The following CADM2 variants were observed in gnomAD, a reference collection of about 807,000 sequenced individuals.
CADM2 encodes the protein cell adhesion molecule 2.
CADM2 carries 12 observed loss-of-function variants against 49.8 expected under a neutral mutation model. That is an observed-to-expected ratio of 0.24 (90% CI 0.15 to 0.39). CADM2 has a LOEUF of 0.39. Among genes scored for constraint, CADM2 ranks in the 10% least tolerant of loss-of-function variants. The probability of loss-of-function intolerance (pLI) is 1.00; values close to 1 mark genes in which losing one functional copy is unlikely to be tolerated. For synonymous variants in CADM2, 214 were observed against 175.4 expected, an observed-to-expected ratio of 1.22 and a Z score of -1.74; for missense variants, 378 against 492.3, an observed-to-expected ratio of 0.77 and a Z score of 2.20.
At chr3:85,741,006 A>G (rs1477338654) in intron 2 of CADM2, among the ~76,000 whole-genome samples, 1 of 152,168 alleles carries the variant, frequency 6.6e-6, no homozygotes, top group East Asian at 1.9e-4. Flanking sequence ...CTCCAAATGA[A>G]CAGGCACTTT....
intron 3 of CADM2, among the ~76,000 whole-genome samples, chr3:85,820,483 A>G (rs137982093): frequency 2.0e-5 from 3 of 152,256 alleles, no homozygotes; most frequent in Non-Finnish European, 2.9e-5. Context: ...TGTTCTGTGT[A>G]TTTGAAAGTA....
chr3:85,920,137 A>G (rs780456673), intron 6 of CADM2, among the ~76,000 whole-genome samples: 16 of 151,874 alleles, frequency 1.1e-4, no homozygotes, highest in Admixed American at 5.9e-4. Context: ...TTATATATTA[A>G]GTGTTTCAGG....
chr3:85,672,005 C>T (rs1454481522), intron 1 of CADM2, among the ~76,000 whole-genome samples: 1 of 151,980 alleles, frequency 6.6e-6, no homozygotes, highest in Admixed American at 6.6e-5. Context: ...ACTGCAATAT[C>T]CTAAGGTCCT....
chr3:85,257,704 C>T (rs1436070191), intron 1 of CADM2, among the ~76,000 whole-genome samples: 3 of 152,172 alleles, frequency 2.0e-5, no homozygotes, highest in East Asian at 1.9e-4. Context: ...ATATGGTACC[C>T]GTGGCTGTCT....
intron 1 of CADM2, among the ~76,000 whole-genome samples, chr3:85,219,060 C>T (rs2041991913): frequency 6.6e-6 from 1 of 152,030 alleles, no homozygotes; most frequent in Admixed American, 6.6e-5. Flanking sequence ...CTTATCTCAA[C>T]ATCAATTTGA....
chr3:85,262,680 T>C (rs2043038132), intron 1 of CADM2, among the ~76,000 whole-genome samples: 2 of 152,092 alleles, frequency 1.3e-5, no homozygotes, highest in Admixed American at 6.6e-5. Flanking sequence ...TCATGAATAA[T>C]AGTTTTGCAA....
At chr3:85,303,040 G>A (rs576340261) in intron 1 of CADM2, among the ~76,000 whole-genome samples, 30 of 152,014 alleles carry the variant, frequency 2.0e-4, no homozygotes, top group Middle Eastern at 3.4e-3. Flanking sequence ...CACAGTTCAT[G>A]TAATTAATTA....
At chr3:85,464,565 C>A (rs2107596379) in intron 1 of CADM2, among the ~76,000 whole-genome samples, 1 of 152,196 alleles carries the variant, frequency 6.6e-6, no homozygotes, top group African/African-American at 2.4e-5. Context: ...GAATTTCTCC[C>A]CGCTAAGTCT....
chr3:84,972,491 G>A (rs1021721427), intron 1 of CADM2, among the ~76,000 whole-genome samples: 3 of 152,098 alleles, frequency 2.0e-5, no homozygotes, highest in Non-Finnish European at 4.4e-5. Flanking sequence ...AATTAATTTT[G>A]TAGCCATTGG....
chr3:85,314,115 C>T (rs1011143872), intron 1 of CADM2, among the ~76,000 whole-genome samples: 3 of 152,128 alleles, frequency 2.0e-5, no homozygotes, highest in African/African-American at 4.8e-5. Flanking sequence ...GTCTCGATCT[C>T]CCGACCTCCT....
intron 1 of CADM2, among the ~76,000 whole-genome samples, chr3:85,258,595 G>A (rs775129467): frequency 6.6e-6 from 1 of 151,880 alleles, no homozygotes; most frequent in Non-Finnish European, 1.5e-5. Context: ...AAGCCAAGAC[G>A]CTATCCAATC....
intron 5 of CADM2, among the ~76,000 whole-genome samples, chr3:85,891,584 C>A (rs1447716602): frequency 6.6e-6 from 1 of 152,138 alleles, no homozygotes; most frequent in Non-Finnish European, 1.5e-5. Context: ...GGGCCTCATA[C>A]AATGAGACGA....
At chr3:85,631,385 C>A (rs139277530) in intron 1 of CADM2, among the ~76,000 whole-genome samples, 241 of 152,130 alleles carry the variant, frequency 1.6e-3, no homozygotes, top group African/African-American at 5.5e-3. Context: ...GTAATTGAAA[C>A]TCTATTGATA....
At chr3:85,744,396 C>G (rs561024134) in intron 2 of CADM2, among the ~76,000 whole-genome samples, 85 of 151,906 alleles carry the variant, frequency 5.6e-4, no homozygotes, top group Middle Eastern at 6.8e-3. Flanking sequence ...TGGATAAATG[C>G]TTGAGGTGAA....
Position 85,959,052 on chromosome 3 carries a change from A to G in CADM2, c.792-2417A>G, listed in dbSNP as rs183691504. 3.3e-5 allele frequency among the ~76,000 whole-genome samples: 5 copies of G among 150,916 alleles called. No homozygotes were observed. The East Asian group carries it at 7.9e-4, about 24-fold the overall frequency. On this transcript the variant is annotated intron_variant, in intron 7 of 9. Coordinates refer to ENST00000383699, the MANE Select transcript of CADM2 (RefSeq NM_001167675.2). ...AATCTATATCTATATCTATATATCT[A>G]TATATCTATATCTATATATCTATAT...
chr3:85,295,974 A>C (rs2043953969), intron 1 of CADM2, among the ~76,000 whole-genome samples: 1 of 152,084 alleles, frequency 6.6e-6, no homozygotes, highest in Admixed American at 6.6e-5. Context: ...TAAACCTAGT[A>C]TATAAAAATT....
At chr3:86,040,634 T>C (rs1471513975) in intron 8 of CADM2, among the ~76,000 whole-genome samples, 1 of 152,132 alleles carries the variant, frequency 6.6e-6, no homozygotes, top group East Asian at 1.9e-4. Flanking sequence ...ATGGGGAGAA[T>C]GGAACAAAGT....
intron 1 of CADM2, among the ~76,000 whole-genome samples, chr3:85,153,981 G>C (rs570059567): frequency 9.3e-4 from 141 of 152,222 alleles, no homozygotes; most frequent in African/African-American, 3.3e-3. Context: ...AAACCACAAA[G>C]ATGGGGAAAA....
At chr3:85,311,932 C>T (rs1178250620) in intron 1 of CADM2, among the ~76,000 whole-genome samples, 2 of 152,136 alleles carry the variant, frequency 1.3e-5, no homozygotes, top group East Asian at 1.9e-4. Flanking sequence ...TGACTATGTC[C>T]TTGTGGTATA....
Sources: gnomAD v4.1 joint callset for allele counts (sites outside exome capture counted in the v4.1 genomes callset) on GRCh38, gnomAD v4.1.1 for gene constraint, MANE v1.5 for transcripts, NCBI Gene and HGNC (gene_info 2026-07-23, HGNC 2026-07-21) for gene names.